Variants in AOAH observed in about 807,000 individuals in gnomAD.
The protein encoded by AOAH is acyloxyacyl hydrolase.
A neutral mutation model predicts 92.2 loss-of-function variants in AOAH; 64 were observed. The observed-to-expected ratio is 0.69, with a 90% CI of 0.57 to 0.86. The LOEUF (loss-of-function observed/expected upper bound fraction) is 0.86. Among genes scored for constraint, AOAH ranks in the 40% least tolerant of loss-of-function variants. The probability of loss-of-function intolerance (pLI) is 0.00; values close to 1 mark genes in which losing one functional copy is unlikely to be tolerated. For synonymous variants in AOAH, 263 were observed against 254.5 expected (o/e 1.03, Z -0.32); for missense variants, 656 against 694.6 (o/e 0.94, Z 0.62).
At position 36,607,153 on chromosome 7, in the gene AOAH, C is replaced by T. The variant is rs552646240; in HGVS notation, c.846+9227G>A. Among the ~76,000 whole-genome samples the T allele has an allele frequency of 1.3e-3, 203 of 152,258 alleles. 2 individuals carry two copies. Among genetic ancestry groups the T allele is most frequent in the Middle Eastern group, 0.01 (3 of 294 alleles). On this transcript the variant is annotated intron_variant, in intron 11 of 20. Coordinates refer to ENST00000617537, the MANE Select transcript of AOAH (RefSeq NM_001637.4). ...CAGGGAGAATGCCTGACAGTGGATT[C>T]CTTTTCAGCGAATACAGCTGGGATG...
At chr7:36,677,064 G>C (rs1433019457) in intron 2 of AOAH, among the ~76,000 whole-genome samples, 1 of 144,818 alleles carries the variant, frequency 6.9e-6, no homozygotes. Context: ...AGCAAAAGAA[G>C]AAAAAAAAAA....
intron 19 of AOAH, among the ~76,000 whole-genome samples, chr7:36,523,632 T>TTTTTTC (rs1784229891): frequency 7.2e-6 from 1 of 138,472 alleles, no homozygotes; most frequent in African/African-American, 2.7e-5. Context: ...TTTGCCTGTT[T>TTTTTTC]TTTTTTTTTT....
At chr7:36,602,556 T>G (rs1790691202) in intron 11 of AOAH, among the ~76,000 whole-genome samples, 1 of 151,576 alleles carries the variant, frequency 6.6e-6, no homozygotes. Flanking sequence ...CACAAATCAA[T>G]TCTTTTCTAA....
chr7:36,567,113 C>T (rs998398677), intron 13 of AOAH, among the ~76,000 whole-genome samples: 1 of 152,138 alleles, frequency 6.6e-6, no homozygotes, highest in South Asian at 2.1e-4. Flanking sequence ...TGCCTGGCCA[C>T]TGCTCTAAAA....
At chr7:36,513,649 A>C (rs111695238) in intron 20 of AOAH, among the ~76,000 whole-genome samples, 1,913 of 152,252 alleles carry the variant, frequency 0.013, 10 homozygotes, top group Non-Finnish European at 0.019. Flanking sequence ...CTGGCTTCGG[A>C]GGCTCTCCTT....
At chr7:36,613,872 T>C (rs531642603) in intron 11 of AOAH, among the ~76,000 whole-genome samples, 13 of 152,308 alleles carry the variant, frequency 8.5e-5, no homozygotes, top group African/African-American at 3.1e-4. Context: ...GCGCTCTTCA[T>C]TTGTATTCTT....
intron 1 of AOAH, among the ~76,000 whole-genome samples, chr7:36,715,398 C>T (rs1218013240): frequency 5.9e-5 from 9 of 152,052 alleles, no homozygotes; most frequent in Admixed American, 6.6e-5. Flanking sequence ...GACCATACTG[C>T]CCAAGGTAAT....
chr7:36,657,506 T>C (rs1254209859), intron 4 of AOAH, among the ~76,000 whole-genome samples: 2 of 152,012 alleles, frequency 1.3e-5, no homozygotes, highest in African/African-American at 4.8e-5. Context: ...CAGAGGAGGG[T>C]GAAGCTGTCC....
At chr7:36,648,086 C>T (rs1297745626) in intron 4 of AOAH, among the ~76,000 whole-genome samples, 1 of 152,082 alleles carries the variant, frequency 6.6e-6, no homozygotes, top group Non-Finnish European at 1.5e-5. Context: ...CCCGCCTCGA[C>T]CTCCCAAAGT....
At chr7:36,534,572 G>T (rs1290902762) in intron 16 of AOAH, among the ~76,000 whole-genome samples, 1 of 152,178 alleles carries the variant, frequency 6.6e-6, no homozygotes, top group Non-Finnish European at 1.5e-5. Flanking sequence ...AAGGGAAGAG[G>T]GAAATGGTTC....
chr7:36,548,698 T>A lies in AOAH; in HGVS notation c.1059-12A>T. ...TGTTTCTAGACAAGCTGAGAAGGCATAGATGGAATCTGAATGTCAGATACT... is the reference window on the plus strand; with the variant it reads ...TGTTTCTAGACAAGCTGAGAAGGCAAAGATGGAATCTGAATGTCAGATACT... On this transcript the variant is annotated splice_polypyrimidine_tract_variant and intron_variant, in intron 14 of 20. Transcript: ENST00000617537. The A allele has an allele frequency of 6.2e-7, 1 of 1,610,744 alleles. No homozygotes were observed. The highest frequency in any genetic ancestry group is 1.3e-5 in the African/African-American group (1 of 74,950).
chr7:36,679,865 C>T (rs1184871446), intron 2 of AOAH, among the ~76,000 whole-genome samples: 1 of 152,068 alleles, frequency 6.6e-6, no homozygotes, highest in African/African-American at 2.4e-5. Flanking sequence ...ACCACGTTGG[C>T]CAGGATGGTC....
At chr7:36,677,214 T>C (rs1796306195) in intron 2 of AOAH, among the ~76,000 whole-genome samples, 1 of 152,178 alleles carries the variant, frequency 6.6e-6, no homozygotes, top group Non-Finnish European at 1.5e-5. Context: ...TGCTAGAATA[T>C]ATAAAGGACT....
intron 13 of AOAH, among the ~76,000 whole-genome samples, chr7:36,561,953 A>G (rs1176179155): frequency 6.6e-6 from 1 of 152,138 alleles, no homozygotes; most frequent in Non-Finnish European, 1.5e-5. Flanking sequence ...AATTTTTGAA[A>G]AGCAATCACA....
intron 11 of AOAH, among the ~76,000 whole-genome samples, chr7:36,613,342 A>T (rs1649162228): frequency 1.3e-5 from 2 of 152,300 alleles, no homozygotes; most frequent in Admixed American, 6.5e-5. Context: ...GGGCAGGATG[A>T]TTCCAAGATT....
chr7:36,526,080 G>C (rs10230855), intron 19 of AOAH, among the ~76,000 whole-genome samples: 1 of 152,096 alleles, frequency 6.6e-6, no homozygotes, highest in African/African-American at 2.4e-5. Context: ...ACACATTCCT[G>C]CCTGCTAGGA....
chr7:36,641,882 T>C (rs780435637), intron 4 of AOAH, among the ~76,000 whole-genome samples: 2 of 152,106 alleles, frequency 1.3e-5, no homozygotes, highest in Non-Finnish European at 2.9e-5. Context: ...TTTCCCAGTC[T>C]CTGTTTAGTC....
At chr7:36,612,471 AT>A (rs1791534583) in intron 11 of AOAH, among the ~76,000 whole-genome samples, 1 of 152,006 alleles carries the variant, frequency 6.6e-6, no homozygotes, top group Non-Finnish European at 1.5e-5. Flanking sequence ...TTCTTTCCTC[AT>A]TTTTGCTCTT....
At chr7:36,565,345 C>A (rs868260161) in intron 13 of AOAH, among the ~76,000 whole-genome samples, 2 of 152,130 alleles carry the variant, frequency 1.3e-5, no homozygotes, top group African/African-American at 4.8e-5. Flanking sequence ...TAGTTGGGCT[C>A]ACCAGATATT....
Sources: allele counts gnomAD v4.1 joint callset (sites outside exome capture counted in the v4.1 genomes callset), GRCh38; gene constraint gnomAD v4.1.1; transcripts MANE v1.5; gene names NCBI Gene and HGNC (gene_info 2026-07-23, HGNC 2026-07-21).